ASIC2: variants seen among roughly 807,000 people sequenced by gnomAD.
The protein encoded by ASIC2 is acid sensing ion channel subunit 2.
ASIC2 carries 25 observed loss-of-function variants against 57.3 expected under a neutral mutation model. The ratio of observed to expected loss-of-function variants is 0.44; its 90% CI spans 0.32 to 0.61. The LOEUF (loss-of-function observed/expected upper bound fraction) is 0.61, where lower values mean the gene tolerates loss of function less well. Ranked by LOEUF, ASIC2 falls within the 20% of genes least tolerant of loss-of-function variation. The pLI is 0.06. For synonymous variants in ASIC2, 319 were observed against 307.5 expected (o/e 1.04, Z -0.39); for missense variants, 641 against 738.1 (o/e 0.87, Z 1.52).
chr17:34,116,234 C>T (rs1394075417), intron 1 of ASIC2, among the ~76,000 whole-genome samples: 3 of 152,192 alleles, frequency 2.0e-5, no homozygotes, highest in East Asian at 3.8e-4. Flanking sequence ...CCTTGTTTTA[C>T]CAGTATGTAT....
At chr17:33,984,049 G>T (rs1258935339) in intron 1 of ASIC2, 1 of 152,120 alleles carries the variant, frequency 6.6e-6, no homozygotes, top group Non-Finnish European at 1.5e-5. Context: ...TTTCTATTTT[G>T]GTTTCTAACA....
intron 1 of ASIC2, among the ~76,000 whole-genome samples, chr17:33,268,917 A>G (rs116554760): frequency 0.011 from 1,605 of 152,276 alleles, 36 homozygotes; most frequent in African/African-American, 0.037. Flanking sequence ...ACACTTCCTA[A>G]CGCAAATACA....
intron 1 of ASIC2, among the ~76,000 whole-genome samples, chr17:34,112,671 C>T (rs1474310416): frequency 6.6e-6 from 1 of 152,152 alleles, no homozygotes; most frequent in Non-Finnish European, 1.5e-5. Context: ...ACCAACCCTT[C>T]CCTGGTCCTC....
chr17:33,192,166 A>G (rs999568153), intron 1 of ASIC2, among the ~76,000 whole-genome samples: 28 of 152,200 alleles, frequency 1.8e-4, no homozygotes, highest in Non-Finnish European at 5.9e-5. Flanking sequence ...CAAGATCCTG[A>G]GGTCAGGAGC....
At chr17:34,087,247 T>A (rs960976673) in intron 1 of ASIC2, among the ~76,000 whole-genome samples, 3 of 152,110 alleles carry the variant, frequency 2.0e-5, no homozygotes, top group African/African-American at 7.2e-5. Flanking sequence ...GGTGACAAAA[T>A]CTCTCAGCAT....
chr17:33,372,392 T>C (rs1359584704), intron 1 of ASIC2, among the ~76,000 whole-genome samples: 1 of 152,002 alleles, frequency 6.6e-6, no homozygotes, highest in Non-Finnish European at 1.5e-5. Context: ...ACCTAGGACA[T>C]AGGATCAAAG....
chr17:34,130,728 C>T (rs937659030), intron 1 of ASIC2, among the ~76,000 whole-genome samples: 2 of 152,236 alleles, frequency 1.3e-5, no homozygotes, highest in Non-Finnish European at 2.9e-5. Context: ...AAGGGCTGGG[C>T]CCTGCATTAC....
chr17:34,140,628 C>G lies in ASIC2; in HGVS notation c.555+15350G>C, dbSNP rs561643477. On this transcript the variant is annotated intron_variant, in intron 1 of 9. Transcript: ENST00000359872. The stretch of plus-strand genomic sequence containing the variant: ...ACTTTCAAAAAATACAGGGAAATGT[C>G]AAAAGCACACAAAGTCAGCTGGAAG... Among the ~76,000 whole-genome samples, 307 of 152,186 alleles carry G rather than the reference C, an allele frequency of 2.0e-3. 1 individual carries two copies. The highest frequency in any genetic ancestry group is 3.3e-3 in the Non-Finnish European group (222 of 68,010).
At chr17:33,096,970 C>A (rs1422784921) in intron 2 of ASIC2, among the ~76,000 whole-genome samples, 1 of 152,210 alleles carries the variant, frequency 6.6e-6, no homozygotes, top group Non-Finnish European at 1.5e-5. Context: ...TAACACCTCA[C>A]AGTTACCCTT....
chr17:33,627,269 A>T (rs1319919659), intron 1 of ASIC2: 1 of 152,250 alleles, frequency 6.6e-6, no homozygotes, highest in Non-Finnish European at 1.5e-5. Flanking sequence ...TTCACTGGGT[A>T]CAAATCTCTA....
chr17:33,401,337 C>G (rs1187082189), intron 1 of ASIC2, among the ~76,000 whole-genome samples: 3 of 152,216 alleles, frequency 2.0e-5, no homozygotes, highest in Non-Finnish European at 2.9e-5. Flanking sequence ...CCTCTTCCCT[C>G]TCTGATCATC....
chr17:34,031,068 A>G (rs1037591311), intron 1 of ASIC2, among the ~76,000 whole-genome samples: 2 of 152,254 alleles, frequency 1.3e-5, no homozygotes, highest in African/African-American at 4.8e-5. Context: ...TGCCTCCTCA[A>G]GTGGGTCCCT....
chr17:33,207,665 C>T (rs1907116128), intron 1 of ASIC2, among the ~76,000 whole-genome samples: 1 of 152,174 alleles, frequency 6.6e-6, no homozygotes, highest in Non-Finnish European at 1.5e-5. Context: ...TGCACACTGG[C>T]CCCGTTTCCA....
intron 1 of ASIC2, among the ~76,000 whole-genome samples, chr17:33,255,267 T>C (rs189557118): frequency 1.4e-3 from 206 of 152,104 alleles, no homozygotes; most frequent in Non-Finnish European, 2.4e-3. Flanking sequence ...CTCAAACCCC[T>C]GACCTCAAAT....
chr17:33,274,125 G>A (rs147465025), intron 1 of ASIC2, among the ~76,000 whole-genome samples: 55 of 152,312 alleles, frequency 3.6e-4, no homozygotes, highest in Non-Finnish European at 7.5e-4. Flanking sequence ...ATGGCCTTGG[G>A]CAAGTGATGT....
chr17:33,540,116 G>T (rs916443379), intron 1 of ASIC2, among the ~76,000 whole-genome samples: 1 of 152,158 alleles, frequency 6.6e-6, no homozygotes, highest in Admixed American at 6.5e-5. Context: ...GGTAGAGTTG[G>T]TTTTTCTGCA....
chr17:33,666,995 C>A (rs1907495323), intron 1 of ASIC2, among the ~76,000 whole-genome samples: 1 of 152,174 alleles, frequency 6.6e-6, no homozygotes, highest in South Asian at 2.1e-4. Flanking sequence ...TTAAATTTAA[C>A]TGGGTGCCCT....
chr17:33,699,112 C>T (rs1017074536), intron 1 of ASIC2, among the ~76,000 whole-genome samples: 3 of 152,122 alleles, frequency 2.0e-5, no homozygotes, highest in East Asian at 3.8e-4. Context: ...TCTTAGCCAA[C>T]TGAGTTTTCC....
At chr17:33,387,048 C>A (rs1395575265) in intron 1 of ASIC2, among the ~76,000 whole-genome samples, 1 of 151,962 alleles carries the variant, frequency 6.6e-6, no homozygotes, top group African/African-American at 2.4e-5. Context: ...CCACCAAGCC[C>A]GGCTAATTTT....
Sources: allele counts gnomAD v4.1 joint callset (sites outside exome capture counted in the v4.1 genomes callset), GRCh38; gene constraint gnomAD v4.1.1; transcripts MANE v1.5; gene names NCBI Gene and HGNC (gene_info 2026-07-23, HGNC 2026-07-21).